The following LDB2 variants were observed in gnomAD, a reference collection of about 807,000 sequenced individuals.
LDB2 encodes the protein LIM domain binding 2.
In LDB2, 12 loss-of-function variants were observed where a neutral mutation model predicts 44.3. The ratio of observed to expected loss-of-function variants is 0.27; its 90% CI spans 0.17 to 0.44. LDB2 has a LOEUF of 0.44. Among genes scored for constraint, LDB2 ranks in the 20% least tolerant of loss-of-function variants. LDB2 has a pLI of 1.00. For missense variants in LDB2, 344 were observed against 473.5 expected, an observed-to-expected ratio of 0.73 and a Z score of 2.54; for synonymous variants, 164 against 174.8, an observed-to-expected ratio of 0.94 and a Z score of 0.49.
In LDB2 at chr4:16,594,178, A is replaced by C. The variant is rs563805541; in HGVS notation, c.408+1525T>G. On this transcript the variant is annotated intron_variant, in intron 3 of 7. Transcript: ENST00000304523. ...ATTAAGCCTAGAGGAAAAAAGAAAAAAAAAACCAATAATGAAGGAGCAGAG... is the reference window on the plus strand; with the variant it reads ...ATTAAGCCTAGAGGAAAAAAGAAAACAAAAACCAATAATGAAGGAGCAGAG... Among the ~76,000 whole-genome samples, 3 of 152,216 alleles carry C rather than the reference A, an allele frequency of 2.0e-5. No individual in the cohort carries two copies. In the East Asian group the frequency reaches 5.8e-4, roughly 29 times the overall value.
At chr4:16,771,550 C>T (rs1770694183) in intron 1 of LDB2, among the ~76,000 whole-genome samples, 1 of 152,174 alleles carries the variant, frequency 6.6e-6, no homozygotes, top group African/African-American at 2.4e-5. Flanking sequence ...CCCCCAACTC[C>T]ATCCCCTACA....
intron 2 of LDB2, among the ~76,000 whole-genome samples, chr4:16,680,106 C>T (rs1438121320): frequency 2.0e-5 from 3 of 152,058 alleles, no homozygotes; most frequent in South Asian, 2.1e-4. Flanking sequence ...AGGATTAGTG[C>T]CCACATAAGA....
In LDB2 at chr4:16,822,582, G is replaced by A. The variant is rs1483335457; in HGVS notation, c.133-63322C>T. Among the ~76,000 whole-genome samples, 6 of 152,000 alleles carry A rather than the reference G, an allele frequency of 3.9e-5. No individual in the cohort carries two copies. The East Asian group carries it at 5.8e-4, about 15-fold the overall frequency. Reference sequence around the variant, plus strand: ...CCTGGCTGGAGTGCTACAGTGGCACGATCTCGGCTCACTGCAACCTCTGCC... The same window carrying A: ...CCTGGCTGGAGTGCTACAGTGGCACAATCTCGGCTCACTGCAACCTCTGCC... On this transcript the variant is annotated intron_variant, in intron 1 of 7. Coordinates refer to ENST00000304523, the MANE Select transcript of LDB2 (RefSeq NM_001290.5).
At chr4:16,621,504 C>A (rs555295269) in intron 2 of LDB2, among the ~76,000 whole-genome samples, 10 of 152,174 alleles carry the variant, frequency 6.6e-5, no homozygotes, top group African/African-American at 1.9e-4. Context: ...TTGGGGTCTC[C>A]CAAAAATTAT....
intron 2 of LDB2, among the ~76,000 whole-genome samples, chr4:16,660,871 T>C (rs1404388802): frequency 1.3e-5 from 2 of 152,116 alleles, no homozygotes; most frequent in African/African-American, 4.8e-5. Flanking sequence ...TCAGTTGGAG[T>C]GTGGCCCAGT....
At chr4:16,702,595 C>G in intron 2 of LDB2, among the ~76,000 whole-genome samples, 1 of 152,188 alleles carries the variant, frequency 6.6e-6, no homozygotes, top group Non-Finnish European at 1.5e-5. Context: ...GTCCAAGTGC[C>G]TCTCCCTTGC....
intron 1 of LDB2, among the ~76,000 whole-genome samples, chr4:16,770,055 T>A (rs960439280): frequency 1.3e-5 from 2 of 152,242 alleles, no homozygotes; most frequent in Non-Finnish European, 2.9e-5. Flanking sequence ...CAAACAGAAA[T>A]GTTAGTTAGA....
chr4:16,680,310 G>A (rs1367485838), intron 2 of LDB2, among the ~76,000 whole-genome samples: 2 of 152,124 alleles, frequency 1.3e-5, no homozygotes, highest in Non-Finnish European at 2.9e-5. Context: ...CAGTGCAAAC[G>A]AAGACACCTT....
chr4:16,648,879 A>C (rs536720295), intron 2 of LDB2, among the ~76,000 whole-genome samples: 3 of 152,290 alleles, frequency 2.0e-5, no homozygotes, highest in African/African-American at 7.2e-5. Flanking sequence ...ATTAATTCAC[A>C]GATGAAGGGC....
intron 1 of LDB2, among the ~76,000 whole-genome samples, chr4:16,895,025 CA>C (rs1724517454): frequency 6.8e-6 from 1 of 147,936 alleles, no homozygotes; most frequent in South Asian, 2.1e-4. Context: ...GTAGTGCCAA[CA>C]TGAAGAACTC....
At chr4:16,603,763 A>G (rs1296597684) in intron 2 of LDB2, among the ~76,000 whole-genome samples, 3 of 152,206 alleles carry the variant, frequency 2.0e-5, no homozygotes, top group Non-Finnish European at 4.4e-5. Context: ...ATGTACTAAG[A>G]AAAAGTTGGC....
intron 2 of LDB2, among the ~76,000 whole-genome samples, chr4:16,701,072 C>T (rs931647450): frequency 5.1e-4 from 77 of 152,222 alleles, no homozygotes; most frequent in African/African-American, 1.6e-3. Context: ...AAATAATGAC[C>T]CAAGGCTACA....
rs752238180 is a variant in LDB2 at position 16,508,564 on chromosome 4, C to T, written c.862G>A (p.Ala288Thr). ...STGSKKKTTA[A>T]NLSLSSQVPD... ...ACCTGACTGGACAGACTCAGGTTTG[C>T]AGCTGTGGTCTTCTTCTTGCTGCCA... The change falls in exon 7 of 8, where the codon GCA (alanine) becomes ACA (threonine). Residue 288 changes from alanine to threonine, a missense_variant. Coordinates refer to ENST00000304523, the MANE Select transcript of LDB2 (RefSeq NM_001290.5). 9.3e-6 allele frequency: 15 copies of T among 1,606,700 alleles called. No homozygotes were observed. Among genetic ancestry groups the T allele is most frequent in the Non-Finnish European group, 1.3e-5 (15 of 1,176,088 alleles).
At chr4:16,606,202 G>A (rs536509115) in intron 2 of LDB2, among the ~76,000 whole-genome samples, 8 of 152,044 alleles carry the variant, frequency 5.3e-5, no homozygotes, top group South Asian at 4.2e-4. Flanking sequence ...TCAATAATAC[G>A]CTTTCAGCTT....
chr4:16,898,529 C>CA lies in LDB2; in HGVS notation c.-45_-44insT. 6.2e-7 allele frequency: 1 copy of CA among 1,607,488 alleles called. No individual in the cohort carries two copies. The highest frequency in any genetic ancestry group is 1.7e-5 in the Admixed American group (1 of 59,690). ...ATCAAGCTAAACAGAGTATCAGTAA[C>CA]GTCCATGCAGAGCACATGGGCTGTG... is the stretch of plus-strand genomic sequence containing the variant. On this transcript the variant is annotated 5_prime_UTR_variant, in exon 1 of 8. It removes the in-frame stop codon of an upstream open reading frame in the 5' UTR. Coordinates refer to ENST00000304523, the MANE Select transcript of LDB2 (RefSeq NM_001290.5).
intron 1 of LDB2, among the ~76,000 whole-genome samples, chr4:16,895,269 T>A (rs1724640068): frequency 6.6e-6 from 1 of 152,138 alleles, no homozygotes; most frequent in Non-Finnish European, 1.5e-5. Context: ...AACTCAAACT[T>A]CCCGGCTTCT....
At position 16,707,175 on chromosome 4, in the gene LDB2, G is replaced by A. The variant is rs149833443; in HGVS notation, c.235+51983C>T. 2.4e-3 allele frequency among the ~76,000 whole-genome samples: 371 copies of A among 152,242 alleles called. 4 individuals are homozygous for A. The highest frequency in any genetic ancestry group is 8.4e-3 in the African/African-American group (347 of 41,548). ...GATGAAATAAAATCTGCTAATTCAT[G>A]TGATTATCTCAGAACCCAAAAGACA... On this transcript the variant is annotated intron_variant, in intron 2 of 7. Transcript: ENST00000304523.
intron 5 of LDB2, 47 bp downstream of exon 5, chr4:16,585,875 G>A: frequency 6.9e-7 from 1 of 1,441,540 alleles, no homozygotes; most frequent in Non-Finnish European, 9.8e-7. Context: ...AACCTCTGGA[G>A]TACTTTTCAA....
In LDB2 at chr4:16,757,955, T is replaced by C. The variant is rs564553622; in HGVS notation, c.235+1203A>G. ...TCGCCCAAAATATTGATTAGAAATG[T>C]CCCACGTCCTTAAAAGTCCGTGAGA... On this transcript the variant is annotated intron_variant, in intron 2 of 7. Transcript: ENST00000304523. Among the ~76,000 whole-genome samples, 28 of 144,902 alleles carry C rather than the reference T, an allele frequency of 1.9e-4. No individual in the cohort carries two copies. The South Asian group carries it at 6.7e-3, about 35-fold the overall frequency.
Sources: gnomAD v4.1 joint callset for allele counts (sites outside exome capture counted in the v4.1 genomes callset) on GRCh38, gnomAD v4.1.1 for gene constraint, MANE v1.5 for transcripts, NCBI Gene and HGNC (gene_info 2026-07-23, HGNC 2026-07-21) for gene names.